Variants in NIPBL observed in about 807,000 individuals in gnomAD.
NIPBL encodes the protein nipped-B-like protein.
In NIPBL, 19 loss-of-function variants were observed where a neutral mutation model predicts 321.8. The observed-to-expected ratio is 0.06, with a 90% confidence interval of 0.04 to 0.09. The LOEUF (loss-of-function observed/expected upper bound fraction) is 0.09, where lower values mean the gene tolerates loss of function less well. NIPBL is among the 10% of genes least tolerant of loss of function. The pLI is 1.00. For missense variants in NIPBL, 2,210 were observed against 3,327.0 expected, an observed-to-expected ratio of 0.66 and a Z score of 8.26; for synonymous variants, 1,106 against 1,114.1, an observed-to-expected ratio of 0.99 and a Z score of 0.14.
chr5:36,905,019 GT>G (rs1436307892), intron 1 of NIPBL, among the ~76,000 whole-genome samples: 1 of 152,186 alleles, frequency 6.6e-6, no homozygotes, highest in Non-Finnish European at 1.5e-5. Context: ...TATGGCATTA[GT>G]ATGAGAATTC....
chr5:37,015,667 G>A (rs1400241159), intron 22 of NIPBL, among the ~76,000 whole-genome samples: 1 of 152,100 alleles, frequency 6.6e-6, no homozygotes, highest in Non-Finnish European at 1.5e-5. Flanking sequence ...GAGGTGGAGG[G>A]TTGCCGTAAG....
At chr5:37,000,108 G>T (rs758509071) in intron 11 of NIPBL, among the ~76,000 whole-genome samples, 25 of 152,092 alleles carry the variant, frequency 1.6e-4, no homozygotes, top group Non-Finnish European at 2.5e-4. Flanking sequence ...GAACACTGTA[G>T]TTTAATTTCA....
intron 40 of NIPBL, among the ~76,000 whole-genome samples, chr5:37,049,715 T>A (rs1481943553): frequency 1.2e-4 from 18 of 152,218 alleles, no homozygotes; most frequent in African/African-American, 2.4e-5. Flanking sequence ...AATTCCTTCA[T>A]CTTTAAGTTG....
chr5:36,960,095 G>A (rs1741439881), intron 4 of NIPBL, among the ~76,000 whole-genome samples: 1 of 151,998 alleles, frequency 6.6e-6, no homozygotes, highest in South Asian at 2.1e-4. Context: ...AAATAAAATA[G>A]AAATTTAAAA....
intron 10 of NIPBL, among the ~76,000 whole-genome samples, chr5:36,988,728 C>T (rs904644872): frequency 2.0e-5 from 3 of 152,118 alleles, no homozygotes; most frequent in Middle Eastern, 3.4e-3. Context: ...AGTCTGAATA[C>T]TGCTGGGATA....
chr5:36,995,974 C>G (rs1746099523), intron 11 of NIPBL, among the ~76,000 whole-genome samples, 170 bp downstream of exon 11: 1 of 151,928 alleles, frequency 6.6e-6, no homozygotes, highest in South Asian at 2.1e-4. Flanking sequence ...AAGATGAGAT[C>G]AGTTGGCACC....
chr5:36,980,701 A>T (rs1744041743), intron 9 of NIPBL, among the ~76,000 whole-genome samples: 1 of 151,650 alleles, frequency 6.6e-6, no homozygotes, highest in Non-Finnish European at 1.5e-5. Flanking sequence ...ATACTATATG[A>T]TGTTCACGTA....
chr5:37,029,375 G>T (rs1750695310), intron 32 of NIPBL, among the ~76,000 whole-genome samples: 1 of 152,098 alleles, frequency 6.6e-6, no homozygotes, highest in Admixed American at 6.5e-5. Context: ...TTAGAATGTT[G>T]ATTCATTCTT....
chr5:37,020,562 A>T lies in NIPBL; in HGVS notation c.5114A>T (p.His1705Leu). Residue 1705 changes from histidine (H) to leucine (L), a missense_variant, in exon 26 of 47, where the codon CAT becomes CTT. By Grantham distance (99) the His-to-Leu change is moderately conservative (BLOSUM62 -3). Transcript: ENST00000282516. The stretch of plus-strand genomic sequence containing the variant: ...GATGAAGAATCATCTGAAGGAACAC[A>T]TCATGCAAAGGAAATTGAGACAACT... ...QKDEESSEGT[H>L]HAKEIETTGQ... The T allele has an allele frequency of 1.2e-6, 2 of 1,614,088 alleles. No homozygotes were observed. The highest frequency in any genetic ancestry group is 1.7e-6 in the Non-Finnish European group (2 of 1,179,962).
intron 9 of NIPBL, among the ~76,000 whole-genome samples, chr5:36,983,463 C>T (rs1484552481): frequency 6.6e-6 from 1 of 151,896 alleles, no homozygotes; most frequent in African/African-American, 2.4e-5. Flanking sequence ...CAACTTGGTT[C>T]TCTAACAATA....
At chr5:36,915,653 T>C (rs1339026023) in intron 1 of NIPBL, among the ~76,000 whole-genome samples, 1 of 152,198 alleles carries the variant, frequency 6.6e-6, no homozygotes, top group Non-Finnish European at 1.5e-5. Context: ...CTTTACATGT[T>C]TGAAGCAGGT....
Position 36,984,767 on chromosome 5 carries a change from T to G in NIPBL, c.1587T>G (p.Gly529=). The G allele has an allele frequency of 1.2e-6, 2 of 1,613,384 alleles. No homozygotes were observed. Among genetic ancestry groups the G allele is most frequent in the Admixed American group, 3.3e-5 (2 of 59,926 alleles). The change falls in exon 10 of 47, where the codon GGT becomes GGG. Residue 529 remains glycine (G), a synonymous_variant. Coordinates refer to ENST00000282516, the MANE Select transcript of NIPBL (RefSeq NM_133433.4). The part of the protein sequence containing the change: ...GGNRPASQET[G]STGNGSRPAL... ...ATAGACCAGCTTCTCAGGAGACGGG[T>G]TCTACGGGAAATGGGTCAAGGCCAG...
At position 37,016,941 on chromosome 5, in the gene NIPBL, T is replaced by C. The variant is rs1456914860; in HGVS notation, c.4777-78T>C. 113 of 1,020,378 alleles carry C rather than the reference T, an allele frequency of 1.1e-4. No individual in the cohort carries two copies. The East Asian group carries it at 3.1e-3, about 28-fold the overall frequency. 63.2% of individuals were successfully genotyped at this position (1,020,378 alleles called of 1,614,324 possible). A position where few individuals can be genotyped will look rare whatever the true frequency, so the allele number is the denominator to read the frequency against. ...AAATTTTAAATTATACAATTTAGAT[T>C]GGGAATTTATATGATAAATTGCTAT... On this transcript the variant is annotated intron_variant, in intron 23 of 46. Transcript: ENST00000282516.
At chr5:36,932,041 T>C (rs2149572906) in intron 1 of NIPBL, among the ~76,000 whole-genome samples, 1 of 152,312 alleles carries the variant, frequency 6.6e-6, no homozygotes, top group South Asian at 2.1e-4. Flanking sequence ...TGATTTCTTC[T>C]TTGACCCATT....
intron 1 of NIPBL, among the ~76,000 whole-genome samples, chr5:36,920,378 T>TA (rs1281835139): frequency 6.6e-6 from 1 of 152,226 alleles, no homozygotes; most frequent in Non-Finnish European, 1.5e-5. Context: ...ATCATACAGG[T>TA]AGACCTTGAA....
At chr5:37,056,212 T>A (rs1334434425) in intron 42 of NIPBL, among the ~76,000 whole-genome samples, 1 of 152,226 alleles carries the variant, frequency 6.6e-6, no homozygotes, top group East Asian at 1.9e-4. Context: ...TTGATACATA[T>A]TGTAAAGTAA....
intron 10 of NIPBL, 133 bp downstream of exon 10, chr5:36,986,434 G>A: frequency 1.6e-6 from 1 of 631,378 alleles, no homozygotes; most frequent in Admixed American, 3.9e-5. Context: ...TCAAACAACA[G>A]GAAATTTTTT....
chr5:36,986,956 G>A (rs1428246588), intron 10 of NIPBL, among the ~76,000 whole-genome samples: 1 of 152,124 alleles, frequency 6.6e-6, no homozygotes, highest in African/African-American at 2.4e-5. Flanking sequence ...TTTCCAAAGG[G>A]AGAAGAATGT....
chr5:36,940,470 A>T (rs959825370), intron 1 of NIPBL, among the ~76,000 whole-genome samples: 10 of 152,092 alleles, frequency 6.6e-5, no homozygotes, highest in Admixed American at 6.5e-4. Flanking sequence ...TTCTTTCCTT[A>T]GCTAGGCTCT....
Sources: gnomAD v4.1 joint callset for allele counts (sites outside exome capture counted in the v4.1 genomes callset) on GRCh38, gnomAD v4.1.1 for gene constraint, MANE v1.5 for transcripts, NCBI Gene and HGNC (gene_info 2026-07-23, HGNC 2026-07-21) for gene names.